AMN1: variants seen among roughly 807,000 people sequenced by gnomAD.
AMN1 encodes the protein antagonist of mitotic exit network 1 homolog.
A neutral mutation model predicts 33.0 loss-of-function variants in AMN1; 20 were observed. That is an observed-to-expected ratio of 0.61 (90% CI 0.43 to 0.88). AMN1 has a LOEUF of 0.88. AMN1 is among the 40% of genes least tolerant of loss of function. The probability of loss-of-function intolerance (pLI) is 0.00; values close to 1 mark genes in which losing one functional copy is unlikely to be tolerated. For synonymous variants in AMN1, 114 were observed against 111.9 expected, an observed-to-expected ratio of 1.02 and a Z score of -0.12; for missense variants, 246 against 307.4, an observed-to-expected ratio of 0.80 and a Z score of 1.49.
At chr12:31,725,084 TC>T (rs907895949) in intron 1 of AMN1, among the ~76,000 whole-genome samples, 6 of 152,120 alleles carry the variant, frequency 3.9e-5, no homozygotes, top group African/African-American at 1.4e-4. Flanking sequence ...TGGGTGCTTC[TC>T]CCCCCACAGT....
At chr12:31,684,955 A>T (rs1295074408) in intron 6 of AMN1, among the ~76,000 whole-genome samples, 1 of 152,172 alleles carries the variant, frequency 6.6e-6, no homozygotes, top group Non-Finnish European at 1.5e-5. Flanking sequence ...TACAAAATCT[A>T]AGATGCTTCT....
chr12:31,726,175 T>TTG (rs1555190601), intron 1 of AMN1, among the ~76,000 whole-genome samples: 19 of 150,388 alleles, frequency 1.3e-4, no homozygotes, highest in South Asian at 2.1e-4. Flanking sequence ...TTTTTTTTTT[T>TTG]GGGGGGACGG....
At chr12:31,692,071 T>C (rs1251624876) in intron 5 of AMN1, among the ~76,000 whole-genome samples, 1 of 141,130 alleles carries the variant, frequency 7.1e-6, no homozygotes, top group African/African-American at 2.6e-5. Context: ...AGAGACAGGG[T>C]TTCACCATGT....
chr12:31,711,896 ACTCT>A (rs1313894862), intron 1 of AMN1, among the ~76,000 whole-genome samples: 2 of 151,238 alleles, frequency 1.3e-5, no homozygotes, highest in Admixed American at 1.3e-4. Flanking sequence ...CCACCCATCT[ACTCT>A]CTATCTTCAT....
Position 31,728,959 on chromosome 12 carries a change from G to A in AMN1, c.38+12C>T. On this transcript the variant is annotated intron_variant, in intron 1 of 6. Coordinates refer to ENST00000281471, the MANE Select transcript of AMN1 (RefSeq NM_001113402.2). Reference sequence around the variant, plus strand: ...GGGCGGCGCGAAGGGAGGCGGGACAGGGTAGACTCACAGATCCAGGAGCTG... The same window carrying A: ...GGGCGGCGCGAAGGGAGGCGGGACAAGGTAGACTCACAGATCCAGGAGCTG... The A allele has an allele frequency of 7.1e-6, 11 of 1,546,230 alleles. No homozygotes were observed. Among genetic ancestry groups the A allele is most frequent in the Non-Finnish European group, 9.6e-6 (11 of 1,143,702 alleles).
chr12:31,676,766 A>T (rs1252584035), intron 6 of AMN1, among the ~76,000 whole-genome samples: 2 of 151,836 alleles, frequency 1.3e-5, no homozygotes, highest in African/African-American at 4.9e-5. Context: ...ATTGCACATT[A>T]TAGGAAGATG....
intron 1 of AMN1, chr12:31,719,224 T>A (rs1484179849): frequency 2.8e-6 from 1 of 355,332 alleles, no homozygotes; most frequent in African/African-American, 2.2e-5. Flanking sequence ...GTACCTCAGT[T>A]GGAAATGCAG....
At chr12:31,684,578 C>G (rs1938169357) in intron 6 of AMN1, among the ~76,000 whole-genome samples, 1 of 151,278 alleles carries the variant, frequency 6.6e-6, no homozygotes, top group African/African-American at 2.4e-5. Flanking sequence ...TCATGCCATT[C>G]TCCTGCCTCA....
chr12:31,699,168 A>G (rs1458708271), intron 3 of AMN1, among the ~76,000 whole-genome samples: 1 of 151,998 alleles, frequency 6.6e-6, no homozygotes. Flanking sequence ...AGGCGGGCAG[A>G]TTACTTGAGC....
At chr12:31,672,950 T>C (rs1433933465) in intron 6 of AMN1, 1 of 152,582 alleles carries the variant, frequency 6.6e-6, no homozygotes, top group African/African-American at 2.4e-5. Flanking sequence ...TGATTTTAAA[T>C]AGATAACCAT....
At chr12:31,714,856 C>T in intron 1 of AMN1, 1 of 939,246 alleles carries the variant, frequency 1.1e-6, no homozygotes, top group African/African-American at 1.8e-5. Context: ...CAAATATAAA[C>T]TAGGAGGATC....
rs530012919 is a variant in AMN1, at chr12:31,677,312, A to C, written c.704-4935T>G. Among the ~76,000 whole-genome samples the C allele has an allele frequency of 6.6e-5, 10 of 152,276 alleles. No individual in the cohort carries two copies. The East Asian group carries it at 1.9e-3, about 29-fold the overall frequency. On this transcript the variant is annotated intron_variant, in intron 6 of 6. Transcript: ENST00000281471. ...GAGACTCCGTCTCAAAAAAAAGAAAAAGAAAAAGAATCACATACTCTCCAG... is the reference window on the plus strand; with the variant it reads ...GAGACTCCGTCTCAAAAAAAAGAAACAGAAAAAGAATCACATACTCTCCAG...
At chr12:31,696,046 C>T (rs2139684202) in intron 5 of AMN1, among the ~76,000 whole-genome samples, 1 of 151,506 alleles carries the variant, frequency 6.6e-6, no homozygotes, top group East Asian at 2.0e-4. Context: ...AGTCTGAGAC[C>T]AGCCTAGCCA....
intron 1 of AMN1, among the ~76,000 whole-genome samples, chr12:31,711,842 C>T (rs1565779271): frequency 6.6e-6 from 1 of 152,226 alleles, no homozygotes; most frequent in East Asian, 1.9e-4. Flanking sequence ...ATTAATCAAC[C>T]TCTCTCTATG....
At chr12:31,706,229 G>A (rs565243232) in intron 2 of AMN1, among the ~76,000 whole-genome samples, 9 of 148,156 alleles carry the variant, frequency 6.1e-5, no homozygotes, top group East Asian at 4.0e-4. Flanking sequence ...GGAGAATGGC[G>A]TGAACCTGGG....
intron 6 of AMN1, among the ~76,000 whole-genome samples, chr12:31,684,180 C>T (rs567630823): frequency 6.6e-6 from 1 of 152,184 alleles, no homozygotes; most frequent in Admixed American, 6.5e-5. Flanking sequence ...CATCATAACA[C>T]AAATGTATGA....
intron 1 of AMN1, among the ~76,000 whole-genome samples, chr12:31,712,588 A>T (rs1406180409): frequency 1.3e-5 from 2 of 152,014 alleles, no homozygotes; most frequent in Admixed American, 6.6e-5. Flanking sequence ...TCCATCATAT[A>T]TATGTATTAT....
rs887881581 is a variant in AMN1 at position 31,683,759 on chromosome 12, A to G, written c.703+5248T>C. Among the ~76,000 whole-genome samples the G allele has an allele frequency of 1.4e-4, 22 of 152,178 alleles. No individual in the cohort carries two copies. Among genetic ancestry groups the G allele is most frequent in the Non-Finnish European group, 1.3e-4 (9 of 68,030 alleles). Reference sequence around the variant, plus strand: ...ACCTCTTTTTCTTTATAAGTTACCCAGTCTTGGGTATGTCTGTATCAGCAG... The same window carrying G: ...ACCTCTTTTTCTTTATAAGTTACCCGGTCTTGGGTATGTCTGTATCAGCAG... On this transcript the variant is annotated intron_variant, in intron 6 of 6. Transcript: ENST00000281471. The surrounding 1 kb of genome is among the most constrained non-coding windows in gnomAD (Gnocchi z 4.1).
rs1241243728 is a variant in AMN1 at position 31,683,437 on chromosome 12, A to T, written c.703+5570T>A. Among the ~76,000 whole-genome samples, 1 of 152,210 alleles carries T rather than the reference A, an allele frequency of 6.6e-6. No homozygotes were observed. Among genetic ancestry groups the T allele is most frequent in the Non-Finnish European group, 1.5e-5 (1 of 68,032 alleles). On this transcript the variant is annotated intron_variant, in intron 6 of 6. Coordinates refer to ENST00000281471, the MANE Select transcript of AMN1 (RefSeq NM_001113402.2). The surrounding 1 kb of genome is among the most constrained non-coding windows in gnomAD (Gnocchi z 4.1). ...GAACACCATTTTTACTTTTTAAAAG[A>T]ATGATTGATATGGTTTGACTGTGTC...
Sources: allele counts gnomAD v4.1 joint callset (sites outside exome capture counted in the v4.1 genomes callset), GRCh38; gene constraint gnomAD v4.1.1; non-coding constraint Gnocchi (gnomAD v3.1); transcripts MANE v1.5; gene names NCBI Gene and HGNC (gene_info 2026-07-23, HGNC 2026-07-21).